Variants in FRMD6 observed in about 807,000 individuals in gnomAD.
FRMD6 encodes the protein FERM domain containing 6.
In FRMD6, 37 loss-of-function variants were observed where a neutral mutation model predicts 73.2. The observed-to-expected ratio is 0.51, with a 90% CI of 0.39 to 0.66. The LOEUF is 0.66. Ranked by LOEUF, FRMD6 falls within the 30% of genes least tolerant of loss-of-function variation. FRMD6 has a pLI of 0.00. For synonymous variants in FRMD6, 273 were observed against 282.2 expected, an observed-to-expected ratio of 0.97 and a Z score of 0.33; for missense variants, 714 against 780.5, an observed-to-expected ratio of 0.91 and a Z score of 1.02.
At chr14:51,436,907 G>C in the FRMD6 span, 1 of 915,066 alleles carries the variant, frequency 1.1e-6, no homozygotes, top group Non-Finnish European at 1.6e-6. Flanking sequence ...TGAAGGTGAA[G>C]AAGAAGAAGA....
chr14:51,432,272 A>G, the FRMD6 span, among the ~76,000 whole-genome samples: 2 of 152,194 alleles, frequency 1.3e-5, no homozygotes, highest in African/African-American at 4.8e-5. Flanking sequence ...GTCTGACTAT[A>G]TACATGGAAG....
chr14:51,485,193 G>A (rs1419226066), upstream of FRMD6, among the ~76,000 whole-genome samples: 3 of 152,208 alleles, frequency 2.0e-5, no homozygotes, highest in African/African-American at 7.2e-5. Context: ...AGAGAAGCCC[G>A]TGTGGGATGG....
the FRMD6 span, among the ~76,000 whole-genome samples, chr14:51,481,752 G>A: frequency 1.3e-5 from 2 of 152,174 alleles, no homozygotes; most frequent in Admixed American, 6.5e-5. Context: ...GACTGACATA[G>A]GAATACTCTG....
upstream of FRMD6, among the ~76,000 whole-genome samples, chr14:51,488,298 A>G (rs1566771673): frequency 6.6e-6 from 1 of 152,224 alleles, no homozygotes; most frequent in East Asian, 1.9e-4. Context: ...GACAGCTGAG[A>G]GGAAGGGGTG....
intron 1 of FRMD6, chr14:51,491,550 C>A (rs912485325): frequency 2.0e-5 from 3 of 152,154 alleles, no homozygotes; most frequent in Admixed American, 2.0e-4. Flanking sequence ...GTGCCAAAGG[C>A]TTTATATACC....
intron 2 of FRMD6, among the ~76,000 whole-genome samples, chr14:51,635,559 G>C (rs1200741487): frequency 6.6e-6 from 1 of 152,150 alleles, no homozygotes; most frequent in African/African-American, 2.4e-5. Flanking sequence ...ATAATTTTAA[G>C]TGCTCTCATT....
intron 1 of FRMD6, among the ~76,000 whole-genome samples, chr14:51,554,213 AT>A: frequency 6.6e-6 from 1 of 152,354 alleles, no homozygotes; most frequent in Non-Finnish European, 1.5e-5. Flanking sequence ...ATAAATAAGC[AT>A]TTGGATTATA....
chr14:51,616,460 G>A (rs1890717497), intron 2 of FRMD6, among the ~76,000 whole-genome samples: 1 of 152,178 alleles, frequency 6.6e-6, no homozygotes, highest in African/African-American at 2.4e-5. Flanking sequence ...GGACAAGGGA[G>A]CTGAAGATAA....
At chr14:51,664,395 ACTGT>A (rs1258134922) in intron 1 of FRMD6, among the ~76,000 whole-genome samples, 3 of 152,238 alleles carry the variant, frequency 2.0e-5, no homozygotes, top group African/African-American at 4.8e-5. Context: ...AATTTTGCTA[ACTGT>A]CTGTAATACT....
chr14:51,597,198 C>G (rs543558700), intron 2 of FRMD6, among the ~76,000 whole-genome samples: 3 of 152,296 alleles, frequency 2.0e-5, no homozygotes, highest in Admixed American at 2.0e-4. Context: ...ATCACACATG[C>G]ATTCTACCAT....
chr14:51,606,436 A>C (rs758550911), intron 2 of FRMD6, among the ~76,000 whole-genome samples: 36 of 152,174 alleles, frequency 2.4e-4, no homozygotes, highest in Non-Finnish European at 4.6e-4. Flanking sequence ...CCTGCTGGGC[A>C]CTCTGCAGGC....
chr14:51,440,596 G>C, the FRMD6 span, among the ~76,000 whole-genome samples: 2 of 152,202 alleles, frequency 1.3e-5, no homozygotes. Flanking sequence ...GGAGAACTGA[G>C]AATTCTGCTA....
chr14:51,712,494 A>G lies in FRMD6; in HGVS notation c.792A>G (p.Glu264=). 1 of 1,592,452 alleles carries G rather than the reference A, an allele frequency of 6.3e-7. No homozygotes were observed. The highest frequency in any genetic ancestry group is 1.1e-5 in the South Asian group (1 of 90,346). ...RGIQIFQNLD[E]EKQLLYDFPW... ...TATTCTTTTCACAGAATTTAGATGA[A>G]GAGAAACAATTACTTTATGATTTCC... Residue 264 remains glutamate (E), a synonymous_variant, in exon 9 of 14, where the codon GAA becomes GAG. Coordinates refer to ENST00000344768, the MANE Select transcript of FRMD6 (RefSeq NM_001267046.2).
chr14:51,479,241 T>C, the FRMD6 span, among the ~76,000 whole-genome samples: 3,184 of 152,300 alleles, frequency 0.021, 109 homozygotes, highest in African/African-American at 0.072. Flanking sequence ...CCATTCATCA[T>C]TGTGCGCTAA....
intron 2 of FRMD6, among the ~76,000 whole-genome samples, chr14:51,620,551 G>A (rs1002792401): frequency 2.0e-5 from 3 of 152,204 alleles, no homozygotes; most frequent in Non-Finnish European, 4.4e-5. Flanking sequence ...ACACCAGTCA[G>A]ACGTTTGCTT....
chr14:51,718,850 T>C (rs553762150), intron 10 of FRMD6, among the ~76,000 whole-genome samples: 1 of 152,302 alleles, frequency 6.6e-6, no homozygotes, highest in South Asian at 2.1e-4. Flanking sequence ...AGGCGCATCT[T>C]TTCTTTCTCC....
intron 2 of FRMD6, among the ~76,000 whole-genome samples, chr14:51,589,922 G>A (rs1396452127): frequency 2.0e-5 from 3 of 152,194 alleles, no homozygotes; most frequent in Non-Finnish European, 4.4e-5. Flanking sequence ...ACAAAAATTA[G>A]TGGGGCGTGG....
Position 51,720,048 on chromosome 14 carries a change from C to T in FRMD6, c.1025-7C>T. ...TTGGTTAATGAACTGTGTTCCCCAC[C>T]ACGTAGAGAAGAAGCAGTACCGGGA... On this transcript the variant is annotated splice_polypyrimidine_tract_variant and splice_region_variant and intron_variant, in intron 10 of 13. Coordinates refer to ENST00000344768, the MANE Select transcript of FRMD6 (RefSeq NM_001267046.2). The T allele has an allele frequency of 6.2e-7, 1 of 1,602,708 alleles. No homozygotes were observed. The highest frequency in any genetic ancestry group is 8.5e-7 in the Non-Finnish European group (1 of 1,173,022).
intron 1 of FRMD6, among the ~76,000 whole-genome samples, chr14:51,682,223 A>G (rs987687876): frequency 5.3e-5 from 8 of 152,162 alleles, no homozygotes; most frequent in Non-Finnish European, 1.2e-4. Context: ...ATAATTTACT[A>G]TTATTTTAAC....
Sources: allele counts gnomAD v4.1 joint callset (sites outside exome capture counted in the v4.1 genomes callset), GRCh38; gene constraint gnomAD v4.1.1; transcripts MANE v1.5; gene names NCBI Gene and HGNC (gene_info 2026-07-23, HGNC 2026-07-21).